The following DLG2 variants were observed in gnomAD, a reference collection of about 807,000 sequenced individuals.
DLG2 encodes disks large homolog 2.
In DLG2, 45 loss-of-function variants were observed where a neutral mutation model predicts 132.5. The observed-to-expected ratio is 0.34, with a 90% CI of 0.27 to 0.44. DLG2 has a LOEUF of 0.44. DLG2 is among the 20% of genes least tolerant of loss of function. The pLI, the probability that DLG2 is intolerant of heterozygous loss-of-function variation, is 1.00. For missense variants in DLG2, 1,045 were observed against 1,196.9 expected, an observed-to-expected ratio of 0.87 and a Z score of 1.87; for synonymous variants, 424 against 419.6, an observed-to-expected ratio of 1.01 and a Z score of -0.13.
intron 7 of DLG2, among the ~76,000 whole-genome samples, chr11:84,353,312 C>G (rs1023460083): frequency 2.0e-5 from 3 of 152,144 alleles, no homozygotes; most frequent in Admixed American, 2.0e-4. Flanking sequence ...ATACCCCAAA[C>G]TGAACTCGCC....
intron 4 of DLG2, among the ~76,000 whole-genome samples, chr11:85,245,365 G>T (rs888578766): frequency 2.6e-5 from 4 of 151,812 alleles, no homozygotes; most frequent in Non-Finnish European, 5.9e-5. Context: ...CATTCTTTCT[G>T]TTACTCACAA....
At chr11:85,341,835 C>G (rs1189585668) in intron 3 of DLG2, among the ~76,000 whole-genome samples, 1 of 152,082 alleles carries the variant, frequency 6.6e-6, no homozygotes, top group African/African-American at 2.4e-5. Flanking sequence ...GCTTATTGCT[C>G]GTAGGCTACA....
intron 6 of DLG2, among the ~76,000 whole-genome samples, chr11:85,060,993 T>C (rs1273238070): frequency 6.6e-6 from 1 of 151,854 alleles, no homozygotes; most frequent in Non-Finnish European, 1.5e-5. Flanking sequence ...TGGTTAGTGA[T>C]GTTGAGCATC....
intron 6 of DLG2, among the ~76,000 whole-genome samples, chr11:84,584,980 G>A (rs894932646): frequency 1.3e-5 from 2 of 151,630 alleles, no homozygotes; most frequent in Non-Finnish European, 2.9e-5. Context: ...GAGCCACCGC[G>A]CCCGGCCCCA....
chr11:83,911,118 T>C (rs1167917824), intron 15 of DLG2, among the ~76,000 whole-genome samples: 1 of 152,090 alleles, frequency 6.6e-6, no homozygotes, highest in East Asian at 1.9e-4. Flanking sequence ...TAATAAATAC[T>C]TGAGCTAGAT....
At chr11:84,440,186 C>G (rs2099013300) in intron 7 of DLG2, among the ~76,000 whole-genome samples, 1 of 152,138 alleles carries the variant, frequency 6.6e-6, no homozygotes, top group African/African-American at 2.4e-5. Flanking sequence ...ATTGGCCCTG[C>G]CAGCTAAGAT....
intron 6 of DLG2, among the ~76,000 whole-genome samples, chr11:84,540,639 C>T (rs2154522093): frequency 6.6e-6 from 1 of 152,288 alleles, no homozygotes; most frequent in East Asian, 1.9e-4. Flanking sequence ...GTGGCGATTC[C>T]TCAAGGATCT....
intron 3 of DLG2, among the ~76,000 whole-genome samples, chr11:85,522,783 T>C (rs2074417720): frequency 6.6e-6 from 1 of 152,214 alleles, no homozygotes; most frequent in African/African-American, 2.4e-5. Context: ...CCATTCGGAA[T>C]GGGTGGATTT....
chr11:83,519,561 T>C (rs182322697), intron 21 of DLG2, among the ~76,000 whole-genome samples: 29 of 152,354 alleles, frequency 1.9e-4, no homozygotes, highest in African/African-American at 5.8e-4. Context: ...GGGGACCCTA[T>C]ATTCTTCACC....
At chr11:84,463,088 T>A (rs1376302104) in intron 7 of DLG2, among the ~76,000 whole-genome samples, 1 of 151,088 alleles carries the variant, frequency 6.6e-6, no homozygotes, top group East Asian at 2.0e-4. Flanking sequence ...ACCTTTGACT[T>A]AGGGAAAAAA....
intron 3 of DLG2, among the ~76,000 whole-genome samples, chr11:85,424,499 C>T (rs936903909): frequency 2.6e-5 from 4 of 152,170 alleles, no homozygotes; most frequent in African/African-American, 7.2e-5. Context: ...ACCCTGAAAC[C>T]CAGCCTACTG....
chr11:84,358,172 T>C (rs1039054549), intron 7 of DLG2, among the ~76,000 whole-genome samples: 4 of 151,982 alleles, frequency 2.6e-5, no homozygotes, highest in Non-Finnish European at 4.4e-5. Flanking sequence ...CACATACTCA[T>C]GCACACTTTC....
At chr11:84,407,517 T>G (rs759275758) in intron 7 of DLG2, among the ~76,000 whole-genome samples, 1 of 152,176 alleles carries the variant, frequency 6.6e-6, no homozygotes, top group Non-Finnish European at 1.5e-5. Context: ...CCTCTGGACC[T>G]AGGTCAGGTT....
intron 19 of DLG2, among the ~76,000 whole-genome samples, chr11:83,555,597 T>G (rs139297326): frequency 0.017 from 2,526 of 147,770 alleles, 31 homozygotes; most frequent in South Asian, 0.048. Context: ...GTTTTCAAAA[T>G]TTTATTACCA....
At position 83,909,037 on chromosome 11, in the gene DLG2, T is replaced by G. The variant is rs1284573064; in HGVS notation, c.1496+21291A>C. On this transcript the variant is annotated intron_variant, in intron 15 of 27. Transcript: ENST00000376104. ...ATGAGCTATCATGACCACCCTCATA[T>G]GCAGCTTTTTAGCCTCTGCAGACTC... Among the ~76,000 whole-genome samples the G allele has an allele frequency of 2.0e-5, 3 of 152,214 alleles. No homozygotes were observed. The East Asian group carries it at 5.8e-4, about 29-fold the overall frequency.
At chr11:84,917,485 C>A (rs181276028) in intron 6 of DLG2, among the ~76,000 whole-genome samples, 4 of 152,276 alleles carry the variant, frequency 2.6e-5, no homozygotes, top group Admixed American at 2.0e-4. Flanking sequence ...TTCACTGGCA[C>A]TTAATATTTG....
intron 6 of DLG2, among the ~76,000 whole-genome samples, chr11:84,711,922 T>C (rs997207431): frequency 1.1e-4 from 16 of 152,152 alleles, no homozygotes; most frequent in Middle Eastern, 3.4e-3. Flanking sequence ...TCAGGGATCT[T>C]CCAGGCATTA....
intron 6 of DLG2, among the ~76,000 whole-genome samples, chr11:84,862,556 A>G (rs1019404027): frequency 5.3e-5 from 8 of 152,122 alleles, no homozygotes; most frequent in African/African-American, 1.9e-4. Flanking sequence ...AATAGCAAAG[A>G]CTTGAAACCA....
chr11:84,092,763 T>C (rs1393480649), intron 10 of DLG2, among the ~76,000 whole-genome samples: 1 of 151,998 alleles, frequency 6.6e-6, no homozygotes. Context: ...ACCGGCTGGG[T>C]ACGGTGGCTC....
Sources: allele counts gnomAD v4.1 joint callset (sites outside exome capture counted in the v4.1 genomes callset), GRCh38; gene constraint gnomAD v4.1.1; transcripts MANE v1.5; gene names NCBI Gene and HGNC (gene_info 2026-07-23, HGNC 2026-07-21).